SLC15A4: variants seen among roughly 807,000 people sequenced by gnomAD.
SLC15A4 encodes the protein solute carrier family 15 member 4, also known as hPHT1.
SLC15A4 carries 26 observed loss-of-function variants against 46.1 expected under a neutral mutation model. The ratio of observed to expected loss-of-function variants is 0.56; its 90% CI spans 0.41 to 0.78. The LOEUF (loss-of-function observed/expected upper bound fraction) is 0.78, where lower values mean the gene tolerates loss of function less well. Ranked by LOEUF, SLC15A4 falls within the 30% of genes least tolerant of loss-of-function variation. The pLI, the probability that SLC15A4 is intolerant of heterozygous loss-of-function variation, is 0.00. For missense variants in SLC15A4, 751 were observed against 755.7 expected (o/e 0.99, Z 0.07); for synonymous variants, 370 against 333.4 (o/e 1.11, Z -1.20).
intron 5 of SLC15A4, among the ~76,000 whole-genome samples, chr12:128,805,538 T>G (rs1012921686): frequency 6.6e-6 from 1 of 152,188 alleles, no homozygotes; most frequent in Admixed American, 6.5e-5. Context: ...TATAGGAAAT[T>G]TTTTTTCTTT....
chr12:128,806,119 G>A (rs1955584279), intron 5 of SLC15A4, among the ~76,000 whole-genome samples: 1 of 139,992 alleles, frequency 7.1e-6, no homozygotes. Context: ...GCAGTGAGCT[G>A]AGATTGCACC....
At chr12:128,819,973 C>T (rs1210343024) in intron 1 of SLC15A4, 4 of 152,332 alleles carry the variant, frequency 2.6e-5, no homozygotes, top group Admixed American at 2.0e-4. Flanking sequence ...CTCTAGGCCT[C>T]TGTTCCCTGG....
Position 128,823,807 on chromosome 12 carries a change from A to G in SLC15A4, c.137T>C (p.Leu46Pro). Residue 46 changes from leucine (L) to proline (P), a missense_variant, in exon 1 of 8, where the codon CTG becomes CCG. Transcript: ENST00000266771. ...GATGCCGTAGAAAGCGGCGCGCTCC[A>G]GCAGCTCCGTCAGCAGCACGGCCCC... is the stretch of plus-strand genomic sequence containing the variant. ...ACGAVLLTEL[L>P]ERAAFYGITS... 6.7e-7 allele frequency: 1 copy of G among 1,490,400 alleles called. No individual in the cohort carries two copies. The highest frequency in any genetic ancestry group is 8.9e-7 in the Non-Finnish European group (1 of 1,125,082). The allele number at this position is 1,490,400 out of a possible 1,614,324, so 92.3% of individuals were successfully genotyped here.
intron 5 of SLC15A4, among the ~76,000 whole-genome samples, chr12:128,805,157 A>C (rs1955569338): frequency 6.6e-6 from 1 of 152,206 alleles, no homozygotes; most frequent in Admixed American, 6.5e-5. Context: ...ACCCCCCCCA[A>C]AAAAATCCAA....
At chr12:128,809,914 G>C in intron 3 of SLC15A4, 29 bp downstream of exon 3, 1 of 1,601,544 alleles carries the variant, frequency 6.2e-7, no homozygotes, top group Non-Finnish European at 8.5e-7. Flanking sequence ...GGAAGATAAA[G>C]GAAATTAAAC....
At chr12:128,801,584 T>A (rs1955519475) in intron 5 of SLC15A4, 1 of 152,356 alleles carries the variant, frequency 6.6e-6, no homozygotes, top group Non-Finnish European at 1.5e-5. Context: ...AGCATTGAGA[T>A]CTCACTGCAG....
In SLC15A4 at chr12:128,796,935, G is replaced by T. The variant is rs146196913; in HGVS notation, c.1573+2324C>A. Among the ~76,000 whole-genome samples the T allele has an allele frequency of 1.2e-3, 188 of 152,284 alleles. 2 individuals carry two copies. Among genetic ancestry groups the T allele is most frequent in the African/African-American group, 4.3e-3 (177 of 41,548 alleles). ...GGGAGTGGAGGTGCGGTCCAAGCCC[G>T]CAGGCAGACACACCACGCCTCGTCA... is the stretch of plus-strand genomic sequence containing the variant. On this transcript the variant is annotated intron_variant, in intron 7 of 7. Transcript: ENST00000266771.
chr12:128,814,773 A>AAGAG lies in SLC15A4; in HGVS notation c.842+1_842+2insCTCT. On this transcript the variant is annotated splice_donor_variant, in intron 2 of 7. Transcript: ENST00000266771. LOFTEE classifies it high-confidence loss of function. The stretch of plus-strand genomic sequence containing the variant: ...AGCCCAAGATGAGAACTAAGTGCTT[A>AAGAG]CCCATTACTCTGGCGCTCTCCACTT... 1.2e-6 allele frequency: 2 copies of AAGAG among 1,613,134 alleles called. No individual in the cohort carries two copies. The highest frequency in any genetic ancestry group is 1.7e-6 in the Non-Finnish European group (2 of 1,179,110).
intron 5 of SLC15A4, among the ~76,000 whole-genome samples, chr12:128,804,769 A>G (rs1021235440): frequency 1.3e-5 from 2 of 152,166 alleles, no homozygotes; most frequent in Non-Finnish European, 2.9e-5. Context: ...TCAGAGAGGT[A>G]ATGGACTCCA....
chr12:128,815,812 G>GT (rs1253017329), intron 1 of SLC15A4: 1 of 152,368 alleles, frequency 6.6e-6, no homozygotes, highest in Non-Finnish European at 1.5e-5. Flanking sequence ...CTACTCACAG[G>GT]TAAGTTTTAG....
At chr12:128,820,903 T>C (rs912333357) in intron 1 of SLC15A4, among the ~76,000 whole-genome samples, 1 of 152,128 alleles carries the variant, frequency 6.6e-6, no homozygotes, top group Non-Finnish European at 1.5e-5. Context: ...CCCCAGTGCT[T>C]CTCGTGGGGC....
At chr12:128,799,489 A>T in intron 6 of SLC15A4, 72 bp from the exon 7 acceptor site, 1 of 1,543,754 alleles carries the variant, frequency 6.5e-7, no homozygotes, top group Non-Finnish European at 8.9e-7. Context: ...GCTTTCACCT[A>T]ATATAGCAGA....
intron 2 of SLC15A4, chr12:128,813,978 C>A: frequency 6.4e-6 from 1 of 155,124 alleles, no homozygotes. Flanking sequence ...AAGTTCTGGA[C>A]TTTATTAACT....
In SLC15A4 at chr12:128,797,146, G is replaced by A. The variant is rs372327492; in HGVS notation, c.1573+2113C>T. ...GGGTCCCCAAGGAATGAGCGCACCC[G>A]CCCCCCAGGCTCACAGGCAGGGCAG... On this transcript the variant is annotated intron_variant, in intron 7 of 7. Transcript: ENST00000266771. Among the ~76,000 whole-genome samples the A allele has an allele frequency of 6.6e-5, 10 of 152,028 alleles. No individual in the cohort carries two copies. In the East Asian group the frequency reaches 7.7e-4, roughly 12 times the overall value.
intron 7 of SLC15A4, among the ~76,000 whole-genome samples, chr12:128,797,266 T>C (rs892357121): frequency 5.3e-5 from 8 of 150,378 alleles, no homozygotes; most frequent in Admixed American, 1.3e-4. Context: ...GGAGCAGTAC[T>C]CAGAAGTACA....
chr12:128,795,202 A>G (rs890370377), intron 7 of SLC15A4, among the ~76,000 whole-genome samples: 2 of 152,052 alleles, frequency 1.3e-5, no homozygotes, highest in African/African-American at 2.4e-5. Context: ...CCAACACACC[A>G]GGGCCGACAG....
chr12:128,810,308 C>T, intron 2 of SLC15A4, 197 bp from the exon 3 acceptor site: 1 of 545,744 alleles, frequency 1.8e-6, no homozygotes, highest in South Asian at 2.3e-5. Flanking sequence ...ACTGAAACAG[C>T]TGACAAAGGG....
chr12:128,820,337 T>C (rs569465634), intron 1 of SLC15A4, among the ~76,000 whole-genome samples: 28 of 152,356 alleles, frequency 1.8e-4, no homozygotes, highest in African/African-American at 6.7e-4. Context: ...TCTGTTTTTG[T>C]GCCTGTTTCC....
intron 1 of SLC15A4, among the ~76,000 whole-genome samples, chr12:128,819,103 T>C (rs565267375): frequency 1.1e-4 from 16 of 152,318 alleles, no homozygotes; most frequent in Admixed American, 2.0e-4. Flanking sequence ...AGCACTTTTT[T>C]CTATACATAA....
Sources: allele counts gnomAD v4.1 joint callset (sites outside exome capture counted in the v4.1 genomes callset), GRCh38; gene constraint gnomAD v4.1.1; transcripts MANE v1.5; gene names NCBI Gene and HGNC (gene_info 2026-07-23, HGNC 2026-07-21).